Variants in RIN3 observed in about 807,000 individuals in gnomAD.
The protein encoded by RIN3 is RAB5 interacting protein 3.
Under a neutral mutation model 76.3 loss-of-function variants are expected in RIN3, and 54 were observed. The observed-to-expected ratio is 0.71, with a 90% confidence interval of 0.57 to 0.89. RIN3 has a LOEUF of 0.89. Ranked by LOEUF, RIN3 falls within the 40% of genes least tolerant of loss-of-function variation. The pLI, the probability that RIN3 is intolerant of heterozygous loss-of-function variation, is 0.00. For missense variants in RIN3, 1,256 were observed against 1,322.1 expected, an observed-to-expected ratio of 0.95 and a Z score of 0.78; for synonymous variants, 576 against 564.0, an observed-to-expected ratio of 1.02 and a Z score of -0.30.
At chr14:92,558,387 A>C (rs1835003489) in intron 2 of RIN3, among the ~76,000 whole-genome samples, 1 of 152,192 alleles carries the variant, frequency 6.6e-6, no homozygotes, top group African/African-American at 2.4e-5. Flanking sequence ...GCACAACTAA[A>C]AATAACTGTA....
chr14:92,517,654 G>A (rs1001463922), intron 1 of RIN3, among the ~76,000 whole-genome samples: 4 of 152,134 alleles, frequency 2.6e-5, no homozygotes, highest in South Asian at 2.1e-4. Context: ...CTATTGCCCC[G>A]AACCAGCATT....
intron 7 of RIN3, among the ~76,000 whole-genome samples, chr14:92,667,730 A>T (rs1888159460): frequency 6.6e-6 from 1 of 152,136 alleles, no homozygotes; most frequent in South Asian, 2.1e-4. Flanking sequence ...ACTCAATAGA[A>T]GTGTACTTCT....
At chr14:92,520,052 A>C (rs886379416) in intron 1 of RIN3, among the ~76,000 whole-genome samples, 1 of 152,224 alleles carries the variant, frequency 6.6e-6, no homozygotes, top group African/African-American at 2.4e-5. Context: ...TGATAGTCAG[A>C]AGCTTTGAAC....
chr14:92,640,805 ACT>A (rs1282483254), intron 4 of RIN3, among the ~76,000 whole-genome samples: 3 of 148,216 alleles, frequency 2.0e-5, no homozygotes, highest in African/African-American at 5.1e-5. Flanking sequence ...GAGATGCCTG[ACT>A]GTGTGTTCGT....
At chr14:92,657,323 T>C (rs1274781011) in intron 6 of RIN3, among the ~76,000 whole-genome samples, 1 of 151,108 alleles carries the variant, frequency 6.6e-6, no homozygotes, top group African/African-American at 2.4e-5. Flanking sequence ...ATCACACTAC[T>C]GCACTCCAGC....
intron 3 of RIN3, among the ~76,000 whole-genome samples, chr14:92,597,591 A>G (rs1446515773): frequency 6.6e-6 from 1 of 152,190 alleles, no homozygotes; most frequent in African/African-American, 2.4e-5. Context: ...CATCTGTAAA[A>G]TATGGTACCT....
intron 8 of RIN3, among the ~76,000 whole-genome samples, chr14:92,682,134 G>A (rs1021156890): frequency 5.3e-5 from 8 of 152,212 alleles, no homozygotes; most frequent in East Asian, 3.9e-4. Flanking sequence ...TGATCCACCC[G>A]TCTCAGCCTC....
chr14:92,642,913 T>A (rs561471932), intron 5 of RIN3, among the ~76,000 whole-genome samples: 3 of 152,306 alleles, frequency 2.0e-5, no homozygotes, highest in East Asian at 3.9e-4. Flanking sequence ...AAGCAAGTAC[T>A]ATTATTATAA....
At chr14:92,537,316 A>C in intron 1 of RIN3, among the ~76,000 whole-genome samples, 1 of 152,170 alleles carries the variant, frequency 6.6e-6, no homozygotes, top group Admixed American at 6.5e-5. Context: ...TTTCCATGTC[A>C]GTACACAGAA....
At chr14:92,634,261 A>G (rs1886696337) in intron 4 of RIN3, among the ~76,000 whole-genome samples, 1 of 151,688 alleles carries the variant, frequency 6.6e-6, no homozygotes, top group African/African-American at 2.4e-5. Flanking sequence ...TATTTTTAGT[A>G]AAGACTGAGG....
chr14:92,635,841 C>A (rs4904967), intron 4 of RIN3, among the ~76,000 whole-genome samples: 136,308 of 152,152 alleles, frequency 0.9, 61,272 homozygotes, highest in African/African-American at 0.94. Flanking sequence ...CAATAGAGGG[C>A]GAGTCTGTCT....
At chr14:92,549,629 A>G (rs926812402) in intron 1 of RIN3, among the ~76,000 whole-genome samples, 3 of 152,202 alleles carry the variant, frequency 2.0e-5, no homozygotes, top group African/African-American at 7.2e-5. Flanking sequence ...CTCAAGGCCA[A>G]TTCCCGCCCT....
chr14:92,573,515 T>C (rs1442878313), intron 2 of RIN3, among the ~76,000 whole-genome samples: 1 of 152,172 alleles, frequency 6.6e-6, no homozygotes, highest in Non-Finnish European at 1.5e-5. Flanking sequence ...TCCAACCCTC[T>C]AAGCAGGTGC....
chr14:92,616,918 T>G (rs1369346893), intron 4 of RIN3, among the ~76,000 whole-genome samples: 1 of 152,194 alleles, frequency 6.6e-6, no homozygotes, highest in East Asian at 1.9e-4. Context: ...CCTTAAAGTC[T>G]TAGCACAAAT....
intron 7 of RIN3, among the ~76,000 whole-genome samples, chr14:92,665,202 G>A (rs8014880): frequency 0.58 from 88,066 of 151,876 alleles, 25,664 homozygotes; most frequent in South Asian, 0.63. Flanking sequence ...ACTGTAGGCA[G>A]TTGTAGCTCA....
At chr14:92,613,884 G>A (rs1339792893) in intron 3 of RIN3, among the ~76,000 whole-genome samples, 1 of 152,244 alleles carries the variant, frequency 6.6e-6, no homozygotes, top group African/African-American at 2.4e-5. Context: ...GAGCGCTCAT[G>A]TGGGGCTCTC....
intron 4 of RIN3, among the ~76,000 whole-genome samples, chr14:92,633,144 G>A (rs1165358999): frequency 6.6e-6 from 1 of 152,194 alleles, no homozygotes; most frequent in Non-Finnish European, 1.5e-5. Flanking sequence ...CAGCCCCTGA[G>A]GGAGGGAGCA....
At chr14:92,527,342 G>T (rs1453884963) in intron 1 of RIN3, among the ~76,000 whole-genome samples, 2 of 152,098 alleles carry the variant, frequency 1.3e-5, no homozygotes, top group Non-Finnish European at 2.9e-5. Flanking sequence ...GTGAGCCACT[G>T]CACCTGGCCA....
chr14:92,588,426 A>T (rs1266502321), intron 3 of RIN3, among the ~76,000 whole-genome samples: 4 of 151,686 alleles, frequency 2.6e-5, no homozygotes. Context: ...GTGTTTCTCC[A>T]TGTTGATCAG....
Sources: allele counts gnomAD v4.1 joint callset (sites outside exome capture counted in the v4.1 genomes callset), GRCh38; gene constraint gnomAD v4.1.1; transcripts MANE v1.5; gene names NCBI Gene and HGNC (gene_info 2026-07-23, HGNC 2026-07-21).